SCHIP1: variants seen among roughly 807,000 people sequenced by gnomAD.
The protein encoded by SCHIP1 is schwannomin-interacting protein 1.
A neutral mutation model predicts 29.7 loss-of-function variants in SCHIP1; 8 were observed. The ratio of observed to expected loss-of-function variants is 0.27; its 90% CI spans 0.16 to 0.49. The LOEUF (loss-of-function observed/expected upper bound fraction) is 0.49. SCHIP1 is among the 20% of genes least tolerant of loss of function. The pLI is 0.99. For synonymous variants in SCHIP1, 76 were observed against 94.9 expected (o/e 0.80, Z 1.16); for missense variants, 193 against 294.6 (o/e 0.66, Z 2.52).
chr3:159,888,186 T>C (rs1303950272), intron 4 of SCHIP1: 2 of 448,328 alleles, frequency 4.5e-6, no homozygotes, highest in Non-Finnish European at 8.1e-6. Flanking sequence ...TAAATTCCTT[T>C]GAAGCGATCT....
At chr3:159,625,982 C>T in the SCHIP1 span, among the ~76,000 whole-genome samples, 1 of 151,540 alleles carries the variant, frequency 6.6e-6, no homozygotes, top group Non-Finnish European at 1.5e-5. Context: ...AGCAGCTTTC[C>T]CCTCAGGAGG....
chr3:159,660,353 CT>C, the SCHIP1 span, among the ~76,000 whole-genome samples: 1 of 152,172 alleles, frequency 6.6e-6, no homozygotes, highest in Non-Finnish European at 1.5e-5. Context: ...GTCTTTTCCC[CT>C]GAAACTACTT....
the SCHIP1 span, among the ~76,000 whole-genome samples, chr3:159,411,640 T>A: frequency 0.58 from 88,210 of 152,210 alleles, 26,748 homozygotes; most frequent in African/African-American, 0.76. Context: ...CTATGAAGTC[T>A]TGTGTCATTT....
chr3:159,866,924 T>C lies in SCHIP1; in HGVS notation c.149+643T>C, dbSNP rs192259131. On this transcript the variant is annotated intron_variant, in intron 2 of 6. Transcript: ENST00000445224. Reference sequence around the variant, plus strand: ...CTATAGGCCAGAGTTTCTCGAACTTTAATGTGCTTATGAATCATCTGGGGA... The same window carrying C: ...CTATAGGCCAGAGTTTCTCGAACTTCAATGTGCTTATGAATCATCTGGGGA... 4.6e-5 allele frequency among the ~76,000 whole-genome samples: 7 copies of C among 152,284 alleles called. No homozygotes were observed. The East Asian group carries it at 1.4e-3, about 29-fold the overall frequency.
chr3:159,892,692 G>A (rs1328441024), intron 6 of SCHIP1: 1 of 162,216 alleles, frequency 6.2e-6, no homozygotes, highest in East Asian at 1.8e-4. Context: ...CAGGACTTGA[G>A]TTTTTAGCTG....
At chr3:159,667,256 T>C in the SCHIP1 span, among the ~76,000 whole-genome samples, 1 of 152,106 alleles carries the variant, frequency 6.6e-6, no homozygotes, top group Non-Finnish European at 1.5e-5. Context: ...GTGAGGAGCC[T>C]TTTGGGGGAA....
chr3:159,794,656 G>A, the SCHIP1 span, among the ~76,000 whole-genome samples: 1 of 152,158 alleles, frequency 6.6e-6, no homozygotes. Flanking sequence ...TTGTAATCCT[G>A]TTTTTTACTA....
At chr3:159,551,092 A>G in the SCHIP1 span, among the ~76,000 whole-genome samples, 3 of 152,296 alleles carry the variant, frequency 2.0e-5, no homozygotes, top group East Asian at 5.8e-4. Flanking sequence ...ATGGGTGAGT[A>G]CCAAATTCTG....
the SCHIP1 span, among the ~76,000 whole-genome samples, chr3:159,564,527 C>T: frequency 7.9e-5 from 12 of 152,218 alleles, no homozygotes; most frequent in African/African-American, 2.6e-4. Context: ...CAGACATGCG[C>T]CACCATGCCT....
the SCHIP1 span, among the ~76,000 whole-genome samples, chr3:159,674,578 C>A: frequency 8.6e-6 from 1 of 115,700 alleles, no homozygotes; most frequent in African/African-American, 3.4e-5. Flanking sequence ...ATCCACTGTT[C>A]TTACATATAG....
chr3:159,616,995 T>C, the SCHIP1 span, among the ~76,000 whole-genome samples: 1 of 152,232 alleles, frequency 6.6e-6, no homozygotes, highest in African/African-American at 2.4e-5. Flanking sequence ...GGTACTCTAC[T>C]GGAAAATATA....
the SCHIP1 span, among the ~76,000 whole-genome samples, chr3:159,617,663 C>T: frequency 6.6e-6 from 1 of 152,164 alleles, no homozygotes; most frequent in African/African-American, 2.4e-5. Flanking sequence ...AGCTTTGTCC[C>T]AGATGATTAT....
exon 6 of SCHIP1, chr3:159,892,097 G>T (rs1301704577): frequency 1.9e-6 from 3 of 1,611,062 alleles, no homozygotes; most frequent in Non-Finnish European, 2.5e-6. Context: ...TTTGCCACAG[G>T]CTTGAATGAA....
chr3:159,346,309 A>G, the SCHIP1 span, among the ~76,000 whole-genome samples: 4 of 147,214 alleles, frequency 2.7e-5, 1 homozygote, highest in East Asian at 5.9e-4. Context: ...GCAATACAAC[A>G]TTCAATGAAA....
the SCHIP1 span, among the ~76,000 whole-genome samples, chr3:159,410,176 A>G: frequency 6.6e-6 from 1 of 152,156 alleles, no homozygotes; most frequent in Admixed American, 6.5e-5. Context: ...TGTAACTACT[A>G]TAAGAAAACA....
At chr3:159,727,644 G>A in the SCHIP1 span, among the ~76,000 whole-genome samples, 27,178 of 152,142 alleles carry the variant, frequency 0.18, 2,727 homozygotes, top group Admixed American at 0.25. Flanking sequence ...CAAGTTTCCT[G>A]GAGGAAGTGA....
At chr3:159,430,847 C>T in the SCHIP1 span, among the ~76,000 whole-genome samples, 1 of 152,046 alleles carries the variant, frequency 6.6e-6, no homozygotes, top group Non-Finnish European at 1.5e-5. Flanking sequence ...GCCCGTCCCC[C>T]ATGATGTATA....
chr3:159,671,542 G>C, the SCHIP1 span, among the ~76,000 whole-genome samples: 1 of 152,086 alleles, frequency 6.6e-6, no homozygotes, highest in African/African-American at 2.4e-5. Context: ...TATCATGATT[G>C]CTTGATCTGT....
At chr3:159,469,504 T>C in the SCHIP1 span, among the ~76,000 whole-genome samples, 3 of 152,168 alleles carry the variant, frequency 2.0e-5, no homozygotes, top group Non-Finnish European at 4.4e-5. Flanking sequence ...ATGAGATAGT[T>C]AATATCAAAA....
Sources: allele counts gnomAD v4.1 joint callset (sites outside exome capture counted in the v4.1 genomes callset), GRCh38; gene constraint gnomAD v4.1.1; transcripts MANE v1.5; gene names NCBI Gene and HGNC (gene_info 2026-07-23, HGNC 2026-07-21).